The following GDF6 variants were observed in gnomAD, a reference collection of about 807,000 sequenced individuals.
GDF6 encodes the protein growth differentiation factor 6, also known as growth/differentiation factor 6.
In GDF6, 3 loss-of-function variants were observed where a neutral mutation model predicts 32.4. The observed-to-expected ratio is 0.09, with a 90% CI of 0.04 to 0.24. GDF6 has a LOEUF of 0.24. Ranked by LOEUF, GDF6 falls within the 10% of genes least tolerant of loss-of-function variation. GDF6 has a pLI of 1.00. For synonymous variants in GDF6, 296 were observed against 295.3 expected (o/e 1.00, Z -0.03); for missense variants, 589 against 637.9 (o/e 0.92, Z 0.83).
Position 96,144,851 on chromosome 8 carries a change from G to A in GDF6, c.1080C>T (p.His360=). 6.2e-7 allele frequency: 1 copy of A among 1,614,030 alleles called. No individual in the cohort carries two copies. Among genetic ancestry groups the A allele is most frequent in the Non-Finnish European group, 8.5e-7 (1 of 1,179,980 alleles). ...SRLRCSKKPL[H]VNFKELGWDD... ...CCCAGCCCAGCTCCTTGAAGTTCAC[G>A]TGCAGGGGCTTCTTGCTGCAGCGTA... is the stretch of plus-strand genomic sequence containing the variant. Residue 360 remains histidine, a synonymous_variant, in exon 2 of 2, where the codon CAC becomes CAT. Coordinates refer to ENST00000287020, the MANE Select transcript of GDF6 (RefSeq NM_001001557.4). This position sits in a 1 kb window ranked among gnomAD's most constrained non-coding sequence, Gnocchi z 5.1.
Position 96,145,665 on chromosome 8 carries a change from C to G in GDF6, c.407-141G>C. On this transcript the variant is annotated intron_variant, in intron 1 of 1. Coordinates refer to ENST00000287020, the MANE Select transcript of GDF6 (RefSeq NM_001001557.4). The surrounding 1 kb of genome is among the most constrained non-coding windows in gnomAD (Gnocchi z 5.6). ...CCAGCTTGCCCGGCCCAGGGCCTGA[C>G]CACCCCGGCTCCCCATCTGGCTGGT... The G allele has an allele frequency of 1.0e-6, 1 of 959,680 alleles. No individual in the cohort carries two copies. Among genetic ancestry groups the G allele is most frequent in the South Asian group, 1.4e-5 (1 of 69,020 alleles). The allele number at this position is 959,680 out of a possible 1,614,324, so 59.4% of individuals were successfully genotyped here. A position where few individuals can be genotyped will look rare whatever the true frequency, so the allele number is the denominator to read the frequency against.
chr8:96,156,332 A>G (rs1812660629), intron 1 of GDF6, among the ~76,000 whole-genome samples: 1 of 150,618 alleles, frequency 6.6e-6, no homozygotes, highest in African/African-American at 2.5e-5. Context: ...TCCCTACATA[A>G]ACTGAAAGTC....
chr8:96,150,130 C>A (rs1021962217), intron 1 of GDF6, among the ~76,000 whole-genome samples: 1 of 152,238 alleles, frequency 6.6e-6, no homozygotes, highest in Non-Finnish European at 1.5e-5. Context: ...TTTTGTCACT[C>A]GCCTGGCTGT....
intron 1 of GDF6, among the ~76,000 whole-genome samples, chr8:96,159,124 G>C (rs899668588): frequency 2.0e-5 from 3 of 152,190 alleles, no homozygotes; most frequent in African/African-American, 4.8e-5. Context: ...CACTTAACTG[G>C]GAGCAGGTCA....
chr8:96,146,768 A>G (rs1285504654), intron 1 of GDF6, among the ~76,000 whole-genome samples: 1 of 151,998 alleles, frequency 6.6e-6, no homozygotes, highest in Admixed American at 6.6e-5. Flanking sequence ...CCAATCTAAA[A>G]TTCTCTCACT....
At position 96,142,422 on chromosome 8, in the gene GDF6, G is replaced by A. The variant is rs1812387875; in HGVS notation, c.*2141C>T. Reference sequence around the variant, plus strand: ...GTAAAAAATGTTTTGATTATTCATTGACCTCTGGTAACTTTAGCGTTGTAA... The same window carrying A: ...GTAAAAAATGTTTTGATTATTCATTAACCTCTGGTAACTTTAGCGTTGTAA... On this transcript the variant is annotated 3_prime_UTR_variant, in exon 2 of 2. Coordinates refer to ENST00000287020, the MANE Select transcript of GDF6 (RefSeq NM_001001557.4). 6.6e-6 allele frequency: 1 copy of A among 152,108 alleles called. No individual in the cohort carries two copies. The highest frequency in any genetic ancestry group is 2.4e-5 in the African/African-American group (1 of 41,404). 9.4% of individuals were successfully genotyped at this position (152,108 alleles called of 1,614,324 possible). A position where few individuals can be genotyped will look rare whatever the true frequency, so the allele number is the denominator to read the frequency against.
chr8:96,143,424 C>T lies in GDF6; in HGVS notation c.*1139G>A, dbSNP rs186743623. 3 of 152,822 alleles carry T rather than the reference C, an allele frequency of 2.0e-5. No homozygotes were observed. In the East Asian group the frequency reaches 5.8e-4, roughly 30 times the overall value. 9.5% of individuals were successfully genotyped at this position (152,822 alleles called of 1,614,324 possible). ...TGGCTCCTGGCCTGTCCCTTGATCCCCATCCTCCCTGAGGCCCACCATCTT... is the reference window on the plus strand; with the variant it reads ...TGGCTCCTGGCCTGTCCCTTGATCCTCATCCTCCCTGAGGCCCACCATCTT... On this transcript the variant is annotated 3_prime_UTR_variant, in exon 2 of 2. Coordinates refer to ENST00000287020, the MANE Select transcript of GDF6 (RefSeq NM_001001557.4).
Position 96,160,675 on chromosome 8 carries a change from G to C in GDF6, c.18C>G (p.Val6=). The C allele has an allele frequency of 6.2e-7, 1 of 1,613,546 alleles. No individual in the cohort carries two copies. The highest frequency in any genetic ancestry group is 2.2e-5 in the East Asian group (1 of 44,814). Residue 6 remains valine, a synonymous_variant, in exon 1 of 2, where the codon GTC becomes GTG. Transcript: ENST00000287020. The stretch of plus-strand genomic sequence containing the variant: ...TGATGAGGAAGACGGCCGAGAGCAG[G>C]ACCCTGGGAGTATCCATGGCGGGCA... The part of the protein sequence containing the change: MDTPR[V]LLSAVFLISF...
Position 96,145,588 on chromosome 8 carries a change from G to A in GDF6, c.407-64C>T, listed in dbSNP as rs1812465512. On this transcript the variant is annotated intron_variant, in intron 1 of 1. Coordinates refer to ENST00000287020, the MANE Select transcript of GDF6 (RefSeq NM_001001557.4). The surrounding 1 kb of genome is among the most constrained non-coding windows in gnomAD (Gnocchi z 5.6). ...GGGGGAGATCAGCCCGGTGCTCTTC[G>A]GCCGCCCCGGGAGGAAAAGGGCGGG... 3.1e-6 allele frequency: 5 copies of A among 1,589,560 alleles called. No homozygotes were observed. Among genetic ancestry groups the A allele is most frequent in the South Asian group, 2.2e-5 (2 of 89,504 alleles).
chr8:96,155,204 A>G (rs567700923), intron 1 of GDF6, among the ~76,000 whole-genome samples: 1 of 152,392 alleles, frequency 6.6e-6, no homozygotes, highest in African/African-American at 2.4e-5. Flanking sequence ...GGAAAACGCT[A>G]TGTCCGTCTC....
Position 96,144,242 on chromosome 8 carries a change from A to AAGAGAGAGAG in GDF6, c.*320_*321insCTCTCTCTCT, listed in dbSNP as rs886063199. The AAGAGAGAGAG allele has an allele frequency of 7.3e-4, 139 of 190,074 alleles. 2 individuals are homozygous for AAGAGAGAGAG. The highest frequency in any genetic ancestry group is 5.4e-3 in the African/African-American group (95 of 17,476). 11.8% of individuals were successfully genotyped at this position (190,074 alleles called of 1,614,324 possible). A position where few individuals can be genotyped will look rare whatever the true frequency, so the allele number is the denominator to read the frequency against. ...ACATAAGGAAATCCAAAGCCACAGT[A>AAGAGAGAGAG]ATAGAGAGAGAGAGAGAGAGAGAGA... On this transcript the variant is annotated 3_prime_UTR_variant, in exon 2 of 2. Coordinates refer to ENST00000287020, the MANE Select transcript of GDF6 (RefSeq NM_001001557.4). The surrounding 1 kb of genome is among the most constrained non-coding windows in gnomAD (Gnocchi z 5.1).
At chr8:96,152,960 A>T (rs1476981062) in intron 1 of GDF6, among the ~76,000 whole-genome samples, 2 of 152,182 alleles carry the variant, frequency 1.3e-5, no homozygotes, top group African/African-American at 2.4e-5. Flanking sequence ...CTGCGGCTCA[A>T]GGTGAGGCAA....
chr8:96,158,920 C>G (rs1812714583), intron 1 of GDF6, among the ~76,000 whole-genome samples: 1 of 151,238 alleles, frequency 6.6e-6, no homozygotes. Context: ...GCTGCAGCGG[C>G]GAGACCCTCG....
At chr8:96,146,339 CT>C (rs33978005) in intron 1 of GDF6, among the ~76,000 whole-genome samples, 65,254 of 146,364 alleles carry the variant, frequency 0.45, 14,423 homozygotes, top group South Asian at 0.47. Flanking sequence ...TTATTGTTTG[CT>C]TTTTTTTTTT....
chr8:96,152,043 A>G lies in GDF6; in HGVS notation c.407-6519T>C, dbSNP rs545071819. On this transcript the variant is annotated intron_variant, in intron 1 of 1. Transcript: ENST00000287020. ...GGAAGGTGCACCTGTCCTTCTCTTG[A>G]CTTCCTTTGAAATCCAGTTCTCTGG... 1.2e-4 allele frequency among the ~76,000 whole-genome samples: 18 copies of G among 152,226 alleles called. 1 individual carries two copies. The South Asian group carries it at 3.5e-3, about 30-fold the overall frequency.
chr8:96,157,099 C>A (rs2514527), intron 1 of GDF6, among the ~76,000 whole-genome samples: 96,286 of 152,096 alleles, frequency 0.63, 31,696 homozygotes, highest in African/African-American at 0.77. Flanking sequence ...TTCATGTAAC[C>A]AATTTTAGTG....
At chr8:96,158,773 G>T (rs924782454) in intron 1 of GDF6, among the ~76,000 whole-genome samples, 2 of 152,144 alleles carry the variant, frequency 1.3e-5, no homozygotes, top group Non-Finnish European at 2.9e-5. Flanking sequence ...CGGAGGCCAG[G>T]GACTCAGTTG....
chr8:96,157,688 G>T (rs1031301478), intron 1 of GDF6, among the ~76,000 whole-genome samples: 2 of 152,208 alleles, frequency 1.3e-5, no homozygotes, highest in African/African-American at 2.4e-5. Flanking sequence ...CCACGTGAGA[G>T]GGGCGGAAGT....
intron 1 of GDF6, among the ~76,000 whole-genome samples, chr8:96,155,270 C>T (rs1348635316): frequency 2.0e-5 from 3 of 152,248 alleles, no homozygotes; most frequent in African/African-American, 7.2e-5. Context: ...AACCTGCGCT[C>T]TCGCTGTAGA....
Sources: gnomAD v4.1 joint callset for allele counts (sites outside exome capture counted in the v4.1 genomes callset) on GRCh38, gnomAD v4.1.1 for gene constraint, Gnocchi (gnomAD v3.1) non-coding constraint, MANE v1.5 for transcripts, NCBI Gene and HGNC (gene_info 2026-07-23, HGNC 2026-07-21) for gene names.